The following F13B variants were observed in gnomAD, a reference collection of about 807,000 sequenced individuals.
F13B encodes the protein TGase.
A neutral mutation model predicts 79.8 loss-of-function variants in F13B; 58 were observed. The observed-to-expected ratio is 0.73, with a 90% CI of 0.59 to 0.90. The LOEUF is 0.90. Ranked by LOEUF, F13B falls within the 40% of genes least tolerant of loss-of-function variation. The probability of loss-of-function intolerance (pLI) is 0.00; values close to 1 mark genes in which losing one functional copy is unlikely to be tolerated. For missense variants in F13B, 773 were observed against 777.0 expected, an observed-to-expected ratio of 0.99 and a Z score of 0.06; for synonymous variants, 283 against 260.3, an observed-to-expected ratio of 1.09 and a Z score of -0.84.
chr1:197,044,664 G>C (rs1655163638), intron 10 of F13B, among the ~76,000 whole-genome samples: 1 of 151,954 alleles, frequency 6.6e-6, no homozygotes, highest in African/African-American at 2.4e-5. Flanking sequence ...AGACCTAATG[G>C]ACATCTGCAT....
chr1:197,059,710 CA>C (rs1461452641), intron 5 of F13B, among the ~76,000 whole-genome samples: 1 of 152,098 alleles, frequency 6.6e-6, no homozygotes, highest in Non-Finnish European at 1.5e-5. Flanking sequence ...CACATTATAG[CA>C]ATTATTTTTT....
At chr1:197,063,166 A>T in intron 1 of F13B, 109 bp from the exon 2 acceptor site, 1 of 888,422 alleles carries the variant, frequency 1.1e-6, no homozygotes, top group Non-Finnish European at 1.8e-6. Context: ...TTCAACTAGT[A>T]CTTATTTTTC....
chr1:197,062,763 G>A (rs1008206518), intron 2 of F13B, 94 bp downstream of exon 2: 2 of 1,218,508 alleles, frequency 1.6e-6, no homozygotes, highest in African/African-American at 3.0e-5. Flanking sequence ...TCTACTAAAA[G>A]GTTTAACCGC....
At chr1:197,047,373 G>C (rs1407733918) in intron 10 of F13B, among the ~76,000 whole-genome samples, 1 of 152,148 alleles carries the variant, frequency 6.6e-6, no homozygotes, top group Non-Finnish European at 1.5e-5. Flanking sequence ...CTCAAAAGAA[G>C]ACATTTATGC....
intron 7 of F13B, 144 bp from the exon 8 acceptor site, chr1:197,056,041 G>T: frequency 1.2e-6 from 1 of 820,728 alleles, no homozygotes. Context: ...AATTTTTTCA[G>T]CTCAAATATT....
At chr1:197,065,703 A>G (rs1226205097) in intron 1 of F13B, among the ~76,000 whole-genome samples, 1 of 152,182 alleles carries the variant, frequency 6.6e-6, no homozygotes, top group Non-Finnish European at 1.5e-5. Flanking sequence ...TTCTTACAGA[A>G]AGATAAGTTG....
At chr1:197,057,586 T>C (rs1571565197) in intron 5 of F13B, 121 bp from the exon 6 acceptor site, 1 of 1,076,138 alleles carries the variant, frequency 9.3e-7, no homozygotes. Context: ...TCTAGGAGCA[T>C]TCCTTTGATC....
intron 3 of F13B, 38 bp from the exon 4 acceptor site, chr1:197,061,113 T>A (rs1571569020): frequency 1.1e-5 from 11 of 988,990 alleles, no homozygotes; most frequent in Non-Finnish European, 1.5e-5. Flanking sequence ...TAAACTTTTT[T>A]AATAACCTAG....
In F13B at chr1:197,061,037, A is replaced by G; in HGVS notation, c.490T>C (p.Ser164Pro). The change falls in exon 4 of 12, where the codon TCC becomes CCC. Residue 164 changes from serine to proline, a missense_variant. Transcript: ENST00000367412. ...LAPELYNGNYSTTQKTFKVKD... is the reference protein window; with the variant it reads ...LAPELYNGNYPTTQKTFKVKD... ...ACTTTGAATGTTTTCTGTGTTGTGG[A>G]ATAATTTCCATTATATAATTCAGGA... is the stretch of plus-strand genomic sequence containing the variant. 1 of 1,596,456 alleles carries G rather than the reference A, an allele frequency of 6.3e-7. No individual in the cohort carries two copies.
chr1:197,055,062 GA>G (rs1655586369), intron 8 of F13B, among the ~76,000 whole-genome samples: 1 of 151,820 alleles, frequency 6.6e-6, no homozygotes, highest in African/African-American at 2.4e-5. Context: ...ATATATTGTA[GA>G]AGTATGACAA....
Position 197,052,673 on chromosome 1 carries a change from T to A in F13B, c.1516A>T (p.Asn506Tyr). 1 of 1,611,856 alleles carries A rather than the reference T, an allele frequency of 6.2e-7. No homozygotes were observed. ...AAAGGATATTTCACTTCTCCTCTGTTGCACTGCACAGATAATTCAGACAAT... is the reference window on the plus strand; with the variant it reads ...AAAGGATATTTCACTTCTCCTCTGTAGCACTGCACAGATAATTCAGACAAT... The part of the protein sequence containing the change: ...TPLSELSVQC[N>Y]RGEVKYPLCT... Residue 506 changes from asparagine (N) to tyrosine (Y), a missense_variant, in exon 9 of 12, where the codon AAC (asparagine) becomes TAC (tyrosine). Transcript: ENST00000367412.
chr1:197,040,006 T>G (rs1469250059), intron 11 of F13B: 1 of 153,176 alleles, frequency 6.5e-6, no homozygotes, highest in Non-Finnish European at 1.5e-5. Context: ...TTTTTAACAT[T>G]TCTCTAAGAA....
intron 5 of F13B, among the ~76,000 whole-genome samples, 163 bp downstream of exon 5, chr1:197,060,203 T>C (rs1373770608): frequency 6.6e-6 from 1 of 151,974 alleles, no homozygotes; most frequent in Non-Finnish European, 1.5e-5. Flanking sequence ...GTGGGATATA[T>C]TAAAGATTGC....
At chr1:197,047,584 G>A (rs769603098) in intron 10 of F13B, among the ~76,000 whole-genome samples, 25 of 152,152 alleles carry the variant, frequency 1.6e-4, no homozygotes, top group Non-Finnish European at 2.5e-4. Flanking sequence ...ACAGTGTGGC[G>A]ACTCCTCAAG....
intron 5 of F13B, 60 bp from the exon 6 acceptor site, chr1:197,057,525 A>G: frequency 6.6e-7 from 1 of 1,508,778 alleles, no homozygotes; most frequent in Non-Finnish European, 9.1e-7. Context: ...AATAAAGATT[A>G]AATTAAAATA....
In F13B at chr1:197,060,955, T is replaced by G; in HGVS notation, c.572A>C (p.Lys191Thr). 6.2e-7 allele frequency: 1 copy of G among 1,613,382 alleles called. No homozygotes were observed. The highest frequency in any genetic ancestry group is 8.5e-7 in the Non-Finnish European group (1 of 1,179,494). The change falls in exon 4 of 12, where the codon AAG (lysine) becomes ACG (threonine). Residue 191 changes from lysine to threonine, a missense_variant. Coordinates refer to ENST00000367412, the MANE Select transcript of F13B (RefSeq NM_001994.3). The part of the protein sequence containing the change: ...ATGYYTAGGK[K>T]TEEVECLTYG... Reference sequence around the variant, plus strand: ...TGTGAGACATTCTACCTCCTCTGTCTTCTTTCCTCCAGCTGTGTAGTAGCC... The same window carrying G: ...TGTGAGACATTCTACCTCCTCTGTCGTCTTTCCTCCAGCTGTGTAGTAGCC...
intron 1 of F13B, among the ~76,000 whole-genome samples, chr1:197,065,696 T>G (rs2298882): frequency 0.46 from 69,455 of 152,018 alleles, 17,212 homozygotes; most frequent in East Asian, 0.82. Context: ...GATGACATTC[T>G]TACAGAAAGA....
intron 9 of F13B, 43 bp from the exon 10 acceptor site, chr1:197,050,922 G>A (rs2125062740): frequency 2.0e-6 from 3 of 1,492,012 alleles, no homozygotes; most frequent in Middle Eastern, 1.8e-4. Flanking sequence ...TTGCTATAAT[G>A]AACATCCAGT....
At position 197,063,010 on chromosome 1, in the gene F13B, A is replaced by T; in HGVS notation, c.112T>A (p.Tyr38Asn). 6.2e-7 allele frequency: 1 copy of T among 1,613,230 alleles called. No individual in the cohort carries two copies. Among genetic ancestry groups the T allele is most frequent in the South Asian group, 1.1e-5 (1 of 91,062 alleles). The change falls in exon 2 of 12, where the codon TAT becomes AAT. Residue 38 changes from tyrosine to asparagine, a missense_variant. Tyr to Asn is a moderately radical substitution (Grantham distance 143). Coordinates refer to ENST00000367412, the MANE Select transcript of F13B (RefSeq NM_001994.3). ...PHVENGRIAQ[Y>N]YYTFKSFYFP... ...TAAAAGCTTTTAAAAGTATAGTAATATTGGGCAATTCTTCCATTTTCCACA... is the reference window on the plus strand; with the variant it reads ...TAAAAGCTTTTAAAAGTATAGTAATTTTGGGCAATTCTTCCATTTTCCACA...
Sources: gnomAD v4.1 joint callset for allele counts (sites outside exome capture counted in the v4.1 genomes callset) on GRCh38, gnomAD v4.1.1 for gene constraint, MANE v1.5 for transcripts, NCBI Gene and HGNC (gene_info 2026-07-23, HGNC 2026-07-21) for gene names.